DOCK5: variants seen among roughly 807,000 people sequenced by gnomAD.
DOCK5 encodes dedicator of cytokinesis protein 5.
In DOCK5, 142 loss-of-function variants were observed where a neutral mutation model predicts 251.8. That is an observed-to-expected ratio of 0.56 (90% CI 0.49 to 0.65). The LOEUF (loss-of-function observed/expected upper bound fraction) is 0.65, where lower values mean the gene tolerates loss of function less well. Ranked by LOEUF, DOCK5 falls within the 30% of genes least tolerant of loss-of-function variation. DOCK5 has a pLI of 0.00. For synonymous variants in DOCK5, 842 were observed against 835.5 expected (o/e 1.01, Z -0.13); for missense variants, 2,111 against 2,312.3 (o/e 0.91, Z 1.79).
chr8:25,218,155 A>T (rs1802296378), intron 1 of DOCK5, among the ~76,000 whole-genome samples: 1 of 152,184 alleles, frequency 6.6e-6, no homozygotes, highest in African/African-American at 2.4e-5. Flanking sequence ...TGTCTCTGGA[A>T]TTTGTTTTCA....
chr8:25,225,509 A>G (rs1802505867), intron 1 of DOCK5, among the ~76,000 whole-genome samples: 1 of 152,182 alleles, frequency 6.6e-6, no homozygotes, highest in Non-Finnish European at 1.5e-5. Flanking sequence ...GATTGAGACC[A>G]TCCTGGCTAA....
At chr8:25,334,283 A>T in intron 21 of DOCK5, 87 bp downstream of exon 21, 1 of 1,092,084 alleles carries the variant, frequency 9.2e-7, no homozygotes, top group Non-Finnish European at 1.4e-6. Flanking sequence ...AGACGGACCT[A>T]TTACTATTCA....
chr8:25,263,602 A>G (rs933782070), intron 2 of DOCK5, among the ~76,000 whole-genome samples: 2 of 151,686 alleles, frequency 1.3e-5, no homozygotes, highest in Non-Finnish European at 2.9e-5. Flanking sequence ...GCTGTCTCCC[A>G]TGGGAACACC....
At chr8:25,400,070 T>C in intron 46 of DOCK5, 76 bp downstream of exon 46, 1 of 1,167,366 alleles carries the variant, frequency 8.6e-7, no homozygotes, top group Non-Finnish European at 1.3e-6. Flanking sequence ...GGCTTAAGTC[T>C]ACAAGCCCAC....
intron 1 of DOCK5, among the ~76,000 whole-genome samples, chr8:25,218,109 A>T (rs1018247843): frequency 2.0e-5 from 3 of 152,252 alleles, no homozygotes; most frequent in Non-Finnish European, 4.4e-5. Flanking sequence ...GTACATGAAC[A>T]AACAGAGCCT....
In DOCK5 at chr8:25,400,014, T is replaced by A. The variant is rs767114032; in HGVS notation, c.4788+20T>A. 1 of 1,606,836 alleles carries A rather than the reference T, an allele frequency of 6.2e-7. No homozygotes were observed. The highest frequency in any genetic ancestry group is 1.1e-5 in the South Asian group (1 of 90,376). Reference sequence around the variant, plus strand: ...TTACAGGTACAGGACGGCTTTCCTCTACACTCCCAGGGAGGCCACAGTGTG... The same window carrying A: ...TTACAGGTACAGGACGGCTTTCCTCAACACTCCCAGGGAGGCCACAGTGTG... On this transcript the variant is annotated intron_variant, in intron 46 of 51. Transcript: ENST00000276440.
intron 1 of DOCK5, among the ~76,000 whole-genome samples, chr8:25,217,208 A>G (rs1802270741): frequency 6.7e-6 from 1 of 150,306 alleles, no homozygotes. Flanking sequence ...ATATACACAT[A>G]CACATGTATA....
intron 2 of DOCK5, among the ~76,000 whole-genome samples, chr8:25,252,130 T>C (rs887661899): frequency 1.3e-5 from 2 of 152,186 alleles, no homozygotes; most frequent in Non-Finnish European, 2.9e-5. Flanking sequence ...AGAATGTCTG[T>C]CTGATTGTCA....
At chr8:25,298,492 A>G (rs796604386) in intron 7 of DOCK5, among the ~76,000 whole-genome samples, 38 of 152,352 alleles carry the variant, frequency 2.5e-4, no homozygotes, top group African/African-American at 8.4e-4. Context: ...CACTGAAAAT[A>G]TAATGATTAT....
intron 1 of DOCK5, among the ~76,000 whole-genome samples, chr8:25,202,351 G>A (rs1328670501): frequency 6.6e-6 from 1 of 152,186 alleles, no homozygotes; most frequent in Non-Finnish European, 1.5e-5. Context: ...GGATCTCTGG[G>A]TGATGGGACT....
intron 27 of DOCK5, 145 bp downstream of exon 27, chr8:25,351,971 T>C: frequency 1.6e-6 from 1 of 628,342 alleles, no homozygotes; most frequent in South Asian, 2.0e-5. Context: ...CCTTAGCAGA[T>C]CTTGATTCTG....
chr8:25,314,308 C>G (rs1450008024), intron 13 of DOCK5, among the ~76,000 whole-genome samples: 3 of 144,244 alleles, frequency 2.1e-5, no homozygotes, highest in African/African-American at 7.7e-5. Context: ...TTGTAGAGAT[C>G]AAGTTTCATT....
chr8:25,238,855 G>T (rs1033519499), intron 1 of DOCK5, among the ~76,000 whole-genome samples: 1 of 151,958 alleles, frequency 6.6e-6, no homozygotes, highest in South Asian at 2.1e-4. Context: ...ACTTTCTTTG[G>T]GACTAAGCCT....
chr8:25,356,238 G>A (rs1586357341), intron 27 of DOCK5, among the ~76,000 whole-genome samples: 1 of 152,154 alleles, frequency 6.6e-6, no homozygotes, highest in East Asian at 1.9e-4. Flanking sequence ...GAGCTTGCCT[G>A]TCAGACTTAG....
At chr8:25,324,916 G>A (rs1051912411) in intron 17 of DOCK5, among the ~76,000 whole-genome samples, 6 of 150,722 alleles carry the variant, frequency 4.0e-5, no homozygotes, top group South Asian at 2.1e-4. Flanking sequence ...TTGTCCTTGT[G>A]ATAGTTTGCT....
At chr8:25,225,995 C>G in intron 1 of DOCK5, among the ~76,000 whole-genome samples, 1 of 152,076 alleles carries the variant, frequency 6.6e-6, no homozygotes. Flanking sequence ...ATACTTAACA[C>G]TACTGAACTG....
chr8:25,184,783 T>G lies in DOCK5; in HGVS notation c.-126T>G, dbSNP rs1801384980. ...CGCGGCGAGGAGGCGGCCCGCGGAGTCCAGCGAAGTTTGGCGGAACATGGC... is the reference window on the plus strand; with the variant it reads ...CGCGGCGAGGAGGCGGCCCGCGGAGGCCAGCGAAGTTTGGCGGAACATGGC... On this transcript the variant is annotated 5_prime_UTR_variant, in exon 1 of 52. Coordinates refer to ENST00000276440, the MANE Select transcript of DOCK5 (RefSeq NM_024940.8). The G allele has an allele frequency of 1.1e-6, 1 of 915,938 alleles. No homozygotes were observed. The highest frequency in any genetic ancestry group is 1.4e-6 in the Non-Finnish European group (1 of 705,762). The allele number at this position is 915,938 out of a possible 1,614,324, so 56.7% of individuals were successfully genotyped here. A position where few individuals can be genotyped will look rare whatever the true frequency, so the allele number is the denominator to read the frequency against.
intron 29 of DOCK5, among the ~76,000 whole-genome samples, 170 bp downstream of exon 29, chr8:25,363,311 A>G (rs1456719089): frequency 6.6e-6 from 1 of 152,160 alleles, no homozygotes; most frequent in East Asian, 1.9e-4. Context: ...TGATTTTCCC[A>G]GGGTAATTGC....
chr8:25,231,302 T>C (rs1250734115), intron 1 of DOCK5, among the ~76,000 whole-genome samples: 3 of 152,154 alleles, frequency 2.0e-5, no homozygotes, highest in Non-Finnish European at 4.4e-5. Flanking sequence ...CCATGGACAT[T>C]AGGGGTGAAT....
Sources: gnomAD v4.1 joint callset for allele counts (sites outside exome capture counted in the v4.1 genomes callset) on GRCh38, gnomAD v4.1.1 for gene constraint, MANE v1.5 for transcripts, NCBI Gene and HGNC (gene_info 2026-07-23, HGNC 2026-07-21) for gene names.